GPC5: variants seen among roughly 807,000 people sequenced by gnomAD.
The protein encoded by GPC5 is glypican-5.
In GPC5, 47 loss-of-function variants were observed where a neutral mutation model predicts 53.9. That is an observed-to-expected ratio of 0.87 (90% CI 0.69 to 1.11). The LOEUF (loss-of-function observed/expected upper bound fraction) is 1.11. Ranked by LOEUF, GPC5 falls within the 50% of genes most tolerant of loss-of-function variation. The probability of loss-of-function intolerance (pLI) is 0.00; values close to 1 mark genes in which losing one functional copy is unlikely to be tolerated. For synonymous variants in GPC5, 286 were observed against 263.3 expected, an observed-to-expected ratio of 1.09 and a Z score of -0.84; for missense variants, 748 against 713.1, an observed-to-expected ratio of 1.05 and a Z score of -0.56.
intron 7 of GPC5, among the ~76,000 whole-genome samples, chr13:92,538,531 T>C (rs1360458191): frequency 6.7e-6 from 1 of 148,738 alleles, no homozygotes; most frequent in East Asian, 2.1e-4. Flanking sequence ...GTTACATAGG[T>C]ATACATGTGC....
At chr13:92,603,407 G>A (rs548219007) in intron 7 of GPC5, among the ~76,000 whole-genome samples, 110 of 152,216 alleles carry the variant, frequency 7.2e-4, no homozygotes, top group African/African-American at 2.4e-3. Context: ...AAGAGGTTCT[G>A]AGCATTTTGT....
intron 2 of GPC5, among the ~76,000 whole-genome samples, chr13:91,560,719 C>T (rs1050673884): frequency 2.0e-5 from 3 of 151,946 alleles, no homozygotes; most frequent in South Asian, 2.1e-4. Flanking sequence ...AGATTTTCTC[C>T]CAGCAGCCAA....
chr13:92,853,532 T>C (rs1367075781), intron 7 of GPC5, among the ~76,000 whole-genome samples: 1 of 152,148 alleles, frequency 6.6e-6, no homozygotes, highest in Non-Finnish European at 1.5e-5. Flanking sequence ...CATTACCATC[T>C]TAATAGGCCT....
At chr13:92,753,673 C>G (rs995963727) in intron 7 of GPC5, among the ~76,000 whole-genome samples, 2 of 151,604 alleles carry the variant, frequency 1.3e-5, no homozygotes, top group Non-Finnish European at 2.9e-5. Context: ...TCGAGAACTA[C>G]GTGAAGAATG....
intron 6 of GPC5, among the ~76,000 whole-genome samples, chr13:92,024,918 C>G (rs890364096): frequency 7.9e-5 from 12 of 152,114 alleles, no homozygotes; most frequent in African/African-American, 2.9e-4. Flanking sequence ...AGTTTATGAT[C>G]CCTTAGGATT....
At chr13:91,925,591 T>C (rs1200681864) in intron 6 of GPC5, among the ~76,000 whole-genome samples, 1 of 152,156 alleles carries the variant, frequency 6.6e-6, no homozygotes, top group Non-Finnish European at 1.5e-5. Context: ...CTAGTCTGTT[T>C]TGAAGAAAGT....
chr13:92,703,353 T>TGATA (rs1250264773), intron 7 of GPC5, among the ~76,000 whole-genome samples: 1 of 151,446 alleles, frequency 6.6e-6, no homozygotes, highest in East Asian at 1.9e-4. Context: ...GTAGGAGATA[T>TGATA]GATAGATAAT....
chr13:91,932,561 T>C (rs2039831787), intron 6 of GPC5, among the ~76,000 whole-genome samples: 1 of 152,072 alleles, frequency 6.6e-6, no homozygotes, highest in African/African-American at 2.4e-5. Flanking sequence ...CTTCAGAGTT[T>C]CCAATTTTCA....
intron 7 of GPC5, among the ~76,000 whole-genome samples, chr13:92,507,882 A>G (rs1347931578): frequency 6.6e-6 from 1 of 152,078 alleles, no homozygotes; most frequent in Non-Finnish European, 1.5e-5. Context: ...AAATTATGAA[A>G]CCATTTTATG....
chr13:92,572,769 A>T (rs1245467292), intron 7 of GPC5, among the ~76,000 whole-genome samples: 1 of 152,174 alleles, frequency 6.6e-6, no homozygotes. Flanking sequence ...ATTATTCTGT[A>T]TATAACTGAA....
chr13:92,857,990 T>A (rs1879060156), intron 7 of GPC5, among the ~76,000 whole-genome samples: 1 of 152,102 alleles, frequency 6.6e-6, no homozygotes, highest in Admixed American at 6.5e-5. Flanking sequence ...GAAAAGAAAT[T>A]GTTCTACCAA....
Position 91,996,599 on chromosome 13 carries a change from A to G in GPC5, c.1401+88542A>G, listed in dbSNP as rs78631785. 3 of 152,362 alleles carry G rather than the reference A, an allele frequency of 2.0e-5. No individual in the cohort carries two copies. The East Asian group carries it at 5.8e-4, about 29-fold the overall frequency. The allele number at this position is 152,362 out of a possible 1,614,324, so 9.4% of individuals were successfully genotyped here. A position where few individuals can be genotyped will look rare whatever the true frequency, so the allele number is the denominator to read the frequency against. On this transcript the variant is annotated intron_variant, in intron 6 of 7. Transcript: ENST00000377067. ...AGCTAAATTAATTGTCACAAAATATAGTTGTGTAACTGCCACTTAAGTCAT... is the reference window on the plus strand; with the variant it reads ...AGCTAAATTAATTGTCACAAAATATGGTTGTGTAACTGCCACTTAAGTCAT...
At chr13:92,088,028 C>A (rs1197415253) in intron 6 of GPC5, among the ~76,000 whole-genome samples, 1 of 151,986 alleles carries the variant, frequency 6.6e-6, no homozygotes, top group Admixed American at 6.6e-5. Context: ...TCTAGGCCTC[C>A]CAAAGTCCTG....
In GPC5 at chr13:92,620,992, A is replaced by T. The variant is rs557061403; in HGVS notation, c.1562-245290A>T. ...AATCCAGTCTTGTAAATCAAAACAC[A>T]GTCAATGTAAAATTCTCATTTCACC... On this transcript the variant is annotated intron_variant, in intron 7 of 7. Transcript: ENST00000377067. 6.6e-5 allele frequency among the ~76,000 whole-genome samples: 10 copies of T among 152,330 alleles called. No homozygotes were observed. In the East Asian group the frequency reaches 1.9e-3, roughly 29 times the overall value.
intron 7 of GPC5, among the ~76,000 whole-genome samples, chr13:92,544,418 T>C (rs369819033): frequency 5.9e-5 from 9 of 152,220 alleles, no homozygotes; most frequent in African/African-American, 2.2e-4. Context: ...CAAAGGAGTA[T>C]TTAAATATGC....
intron 7 of GPC5, chr13:92,449,053 C>T (rs976107542): frequency 1.3e-5 from 2 of 150,800 alleles, no homozygotes; most frequent in African/African-American, 4.9e-5. Flanking sequence ...AGTGCAGGCT[C>T]GAGACTCTCT....
chr13:92,560,749 G>A (rs1882666268), intron 7 of GPC5, among the ~76,000 whole-genome samples: 1 of 151,904 alleles, frequency 6.6e-6, no homozygotes, highest in South Asian at 2.1e-4. Flanking sequence ...GCTGGGATAT[G>A]CCATTCTTAA....
chr13:92,201,326 T>A (rs1431328186), intron 7 of GPC5, among the ~76,000 whole-genome samples: 1 of 152,204 alleles, frequency 6.6e-6, no homozygotes, highest in African/African-American at 2.4e-5. Context: ...AATCTAATAT[T>A]TGATACATTG....
intron 2 of GPC5, among the ~76,000 whole-genome samples, chr13:91,472,206 A>G (rs998365703): frequency 2.0e-5 from 3 of 152,150 alleles, no homozygotes; most frequent in Non-Finnish European, 4.4e-5. Context: ...TGTATAATCT[A>G]TGGTAGATGT....
Sources: gnomAD v4.1 joint callset for allele counts (sites outside exome capture counted in the v4.1 genomes callset) on GRCh38, gnomAD v4.1.1 for gene constraint, MANE v1.5 for transcripts, NCBI Gene and HGNC (gene_info 2026-07-23, HGNC 2026-07-21) for gene names.